Variants in TM9SF4 observed in about 807,000 individuals in gnomAD.
TM9SF4 encodes dinucleotide oxidase disulfide thiol exchanger 3 superfamily member 4.
TM9SF4 carries 26 observed loss-of-function variants against 90.4 expected under a neutral mutation model. The observed-to-expected ratio is 0.29, with a 90% CI of 0.21 to 0.40. TM9SF4 has a LOEUF of 0.40. Ranked by LOEUF, TM9SF4 falls within the 10% of genes least tolerant of loss-of-function variation. The pLI is 1.00. For missense variants in TM9SF4, 549 were observed against 834.8 expected (o/e 0.66, Z 4.22); for synonymous variants, 293 against 315.4 (o/e 0.93, Z 0.75).
intron 3 of TM9SF4, 101 bp downstream of exon 3, chr20:32,136,274 T>G (rs1205323113): frequency 9.1e-7 from 1 of 1,095,320 alleles, no homozygotes; most frequent in South Asian, 1.4e-5. Flanking sequence ...TTCTAGACAC[T>G]GGTCTACATT....
At chr20:32,140,539 G>A (rs1342871796) in intron 3 of TM9SF4, among the ~76,000 whole-genome samples, 1 of 152,188 alleles carries the variant, frequency 6.6e-6, no homozygotes, top group Non-Finnish European at 1.5e-5. Context: ...ACATAGGAAC[G>A]GATGCTGATG....
At chr20:32,141,089 C>T (rs181682704) in intron 3 of TM9SF4, among the ~76,000 whole-genome samples, 3 of 151,854 alleles carry the variant, frequency 2.0e-5, no homozygotes, top group Admixed American at 6.6e-5. Flanking sequence ...TGGTGGCATG[C>T]ACCTGTAGTC....
chr20:32,138,016 G>C (rs2046618534), intron 3 of TM9SF4, among the ~76,000 whole-genome samples: 1 of 152,224 alleles, frequency 6.6e-6, no homozygotes, highest in African/African-American at 2.4e-5. Flanking sequence ...TGTAAGCTGA[G>C]TATTTCATAG....
At chr20:32,130,192 GTATTA>G (rs1158362166) in intron 1 of TM9SF4, among the ~76,000 whole-genome samples, 4 of 152,194 alleles carry the variant, frequency 2.6e-5, no homozygotes, top group African/African-American at 9.7e-5. Flanking sequence ...GCCAACTTCA[GTATTA>G]TATTCAAAGA....
chr20:32,160,902 A>G (rs1047244814), intron 16 of TM9SF4, among the ~76,000 whole-genome samples: 1 of 139,808 alleles, frequency 7.2e-6, no homozygotes, highest in African/African-American at 2.8e-5. Flanking sequence ...GTGAGCCGAG[A>G]TCGCACCACT....
intron 15 of TM9SF4, 152 bp downstream of exon 15, chr20:32,158,666 C>A: frequency 1.3e-6 from 1 of 788,348 alleles, no homozygotes; most frequent in Non-Finnish European, 2.1e-6. Context: ...TGGACAACAG[C>A]CTTCCCTCTC....
In TM9SF4 at chr20:32,143,114, G is replaced by A. The variant is rs755341822; in HGVS notation, c.652+9G>A. On this transcript the variant is annotated intron_variant, in intron 6 of 17. Coordinates refer to ENST00000398022, the MANE Select transcript of TM9SF4 (RefSeq NM_014742.4). Reference sequence around the variant, plus strand: ...GAGCATCAGGCTGGAGGGTGAGTGGGGAGGTGTGGCCGGAGGGGCAGGGCT... The same window carrying A: ...GAGCATCAGGCTGGAGGGTGAGTGGAGAGGTGTGGCCGGAGGGGCAGGGCT... 73 of 1,612,430 alleles carry A rather than the reference G, an allele frequency of 4.5e-5. No homozygotes were observed. The South Asian group carries it at 8.0e-4, about 18-fold the overall frequency.
chr20:32,144,017 C>G (rs545247369), intron 6 of TM9SF4, among the ~76,000 whole-genome samples: 2 of 152,272 alleles, frequency 1.3e-5, no homozygotes, highest in Admixed American at 1.3e-4. Flanking sequence ...GCGATCTCCG[C>G]TCACTGCAAC....
At chr20:32,121,991 A>C (rs1419471257) in intron 1 of TM9SF4, among the ~76,000 whole-genome samples, 8 of 92,568 alleles carry the variant, frequency 8.6e-5, no homozygotes, top group African/African-American at 2.6e-4. Context: ...TGACCCCCCC[A>C]CCTCCCTCCC....
intron 10 of TM9SF4, 74 bp from the exon 11 acceptor site, chr20:32,150,548 T>A: frequency 6.3e-7 from 1 of 1,587,040 alleles, no homozygotes; most frequent in Middle Eastern, 1.9e-4. Context: ...GGCCTGGGGC[T>A]GGGGCTGGGG....
chr20:32,112,320 T>G (rs1216316224), intron 1 of TM9SF4, among the ~76,000 whole-genome samples: 1 of 152,036 alleles, frequency 6.6e-6, no homozygotes. Flanking sequence ...GGGGCTGAGG[T>G]GGGAGGATCA....
At chr20:32,120,400 T>G (rs1314554002) in intron 1 of TM9SF4, among the ~76,000 whole-genome samples, 3 of 151,170 alleles carry the variant, frequency 2.0e-5, no homozygotes, top group Admixed American at 6.6e-5. Context: ...GGTGCGTTTT[T>G]TTTTTTTTTT....
At chr20:32,113,810 C>T (rs769292283) in intron 1 of TM9SF4, among the ~76,000 whole-genome samples, 7 of 152,324 alleles carry the variant, frequency 4.6e-5, no homozygotes, top group South Asian at 2.1e-4. Context: ...AAGAGAGTCA[C>T]TCCCTACTCT....
At chr20:32,158,612 AT>A in intron 15 of TM9SF4, 98 bp downstream of exon 15, 1 of 1,231,140 alleles carries the variant, frequency 8.1e-7, no homozygotes, top group South Asian at 1.2e-5. Flanking sequence ...GAAAGTTCAG[AT>A]GGGCCACTTC....
At chr20:32,117,642 C>T (rs1397955666) in intron 1 of TM9SF4, among the ~76,000 whole-genome samples, 1 of 151,606 alleles carries the variant, frequency 6.6e-6, no homozygotes, top group East Asian at 1.9e-4. Flanking sequence ...CCCCCGCCCC[C>T]CCAAGAATAA....
rs758488882 is a variant in TM9SF4 at position 32,141,546 on chromosome 20, C to G, written c.279C>G (p.Leu93=). The part of the protein sequence containing the change: ...DRIVNTPFQV[L]MNSEKKCEVL... ...TTGTCAACACCCCTTTCCAGGTTCT[C>G]ATGAACAGCGAGAAGAAGTGTGAAG... Residue 93 remains leucine, a synonymous_variant, in exon 4 of 18, where the codon CTC becomes CTG. Transcript: ENST00000398022. 1 of 1,614,144 alleles carries G rather than the reference C, an allele frequency of 6.2e-7. No homozygotes were observed. Among genetic ancestry groups the G allele is most frequent in the South Asian group, 1.1e-5 (1 of 91,076 alleles).
intron 1 of TM9SF4, among the ~76,000 whole-genome samples, chr20:32,121,983 A>AC (rs1284127890): frequency 1.3e-4 from 13 of 103,858 alleles, no homozygotes; most frequent in Admixed American, 4.0e-4. Context: ...CGGGGGGCTG[A>AC]CCCCCCCACC....
At chr20:32,134,551 A>G (rs1226143562) in intron 2 of TM9SF4, among the ~76,000 whole-genome samples, 1 of 152,176 alleles carries the variant, frequency 6.6e-6, no homozygotes, top group African/African-American at 2.4e-5. Context: ...ATTCCACTTA[A>G]TATGAATATC....
chr20:32,144,775 T>C (rs976816029), intron 6 of TM9SF4, among the ~76,000 whole-genome samples: 60 of 152,130 alleles, frequency 3.9e-4, no homozygotes, highest in African/African-American at 1.4e-3. Flanking sequence ...TAGCCAGGTG[T>C]GGTGACACAC....
Sources: allele counts gnomAD v4.1 joint callset (sites outside exome capture counted in the v4.1 genomes callset), GRCh38; gene constraint gnomAD v4.1.1; transcripts MANE v1.5; gene names NCBI Gene and HGNC (gene_info 2026-07-23, HGNC 2026-07-21).